The following COL5A1 variants were observed in gnomAD, a reference collection of about 807,000 sequenced individuals.
COL5A1 encodes the protein collagen type V alpha 1 chain.
Under a neutral mutation model 263.7 loss-of-function variants are expected in COL5A1, and 16 were observed. That is an observed-to-expected ratio of 0.06 (90% confidence interval 0.04 to 0.09). The LOEUF is 0.09. Among genes scored for constraint, COL5A1 ranks in the 10% least tolerant of loss-of-function variants. The probability of loss-of-function intolerance (pLI) is 1.00; values close to 1 mark genes in which losing one functional copy is unlikely to be tolerated. For synonymous variants in COL5A1, 1,012 were observed against 1,004.5 expected (o/e 1.01, Z -0.14); for missense variants, 2,036 against 2,540.5 (o/e 0.80, Z 4.27).
intron 4 of COL5A1, among the ~76,000 whole-genome samples, chr9:134,724,467 G>A (rs1021960896): frequency 6.6e-6 from 1 of 152,180 alleles, no homozygotes; most frequent in Admixed American, 6.5e-5. Flanking sequence ...GTGTGCCTGC[G>A]GGCTGGGATT....
intron 24 of COL5A1, 72 bp from the exon 25 acceptor site, chr9:134,768,338 C>A: frequency 1.5e-6 from 2 of 1,332,272 alleles, no homozygotes; most frequent in Non-Finnish European, 2.2e-6. Context: ...GAAAAGTAAC[C>A]TTGGTGGCCG....
chr9:134,812,612 C>G lies in COL5A1; in HGVS notation c.3752C>G (p.Pro1251Arg), dbSNP rs755735075. 1 of 1,605,874 alleles carries G rather than the reference C, an allele frequency of 6.2e-7. No individual in the cohort carries two copies. The highest frequency in any genetic ancestry group is 1.3e-5 in the African/African-American group (1 of 74,820). ...ETGDVGQMGP[P>R]GPPGPRGPSG... ...GTCTCTCCCTTTTCCTAGGGCCCCC[C>G]GGGTCCCCCTGGCCCCCGAGGACCC... Residue 1251 changes from proline (P) to arginine (R), a missense_variant, in exon 48 of 66, where the codon CCG (proline) becomes CGG (arginine). Around this residue, in one of 3 missense-constraint regions of COL5A1, gnomAD observed 1,078 missense variants for 1,521.4 expected, o/e 0.71. Coordinates refer to ENST00000371817, the MANE Select transcript of COL5A1 (RefSeq NM_000093.5).
intron 46 of COL5A1, among the ~76,000 whole-genome samples, chr9:134,811,934 G>A (rs1456530595): frequency 6.6e-6 from 1 of 152,230 alleles, no homozygotes; most frequent in African/African-American, 2.4e-5. Flanking sequence ...CCTTTTAAAT[G>A]TGTGTATTCT....
intron 25 of COL5A1, among the ~76,000 whole-genome samples, chr9:134,772,304 T>C (rs1836889388): frequency 6.6e-6 from 1 of 152,232 alleles, no homozygotes. Context: ...CAATTGCTAG[T>C]CCGGGAAGCA....
At chr9:134,725,092 GTC>G (rs902423288) in intron 4 of COL5A1, among the ~76,000 whole-genome samples, 4 of 152,194 alleles carry the variant, frequency 2.6e-5, no homozygotes, top group African/African-American at 4.8e-5. Flanking sequence ...CTGCGGCACC[GTC>G]TCTGGTGGCG....
chr9:134,692,569 C>A (rs1262673157), intron 2 of COL5A1, among the ~76,000 whole-genome samples: 1 of 152,146 alleles, frequency 6.6e-6, no homozygotes, highest in Non-Finnish European at 1.5e-5. Flanking sequence ...CACATGGACT[C>A]TGGGTGTGTG....
At chr9:134,702,417 C>T (rs1284171246) in intron 4 of COL5A1, among the ~76,000 whole-genome samples, 1 of 152,212 alleles carries the variant, frequency 6.6e-6, no homozygotes, top group Non-Finnish European at 1.5e-5. Flanking sequence ...TGTGTCTACA[C>T]ATCGGTTCTG....
intron 32 of COL5A1, among the ~76,000 whole-genome samples, chr9:134,793,392 G>GC (rs58115122): frequency 6.7e-6 from 1 of 150,156 alleles, no homozygotes; most frequent in African/African-American, 2.5e-5. Flanking sequence ...GCTGGGGGGG[G>GC]CATTCTGTTC....
chr9:134,729,033 C>T (rs1304120886), intron 6 of COL5A1, among the ~76,000 whole-genome samples: 2 of 152,200 alleles, frequency 1.3e-5, no homozygotes, highest in East Asian at 1.9e-4. Context: ...GCCAAGTATA[C>T]AGGGGAGCAT....
At chr9:134,658,470 C>T (rs954600626) in intron 1 of COL5A1, among the ~76,000 whole-genome samples, 5 of 152,340 alleles carry the variant, frequency 3.3e-5, no homozygotes, top group Non-Finnish European at 5.9e-5. Flanking sequence ...CACGTCCCCC[C>T]GCCCCTGCTG....
intron 65 of COL5A1, among the ~76,000 whole-genome samples, chr9:134,836,270 C>G (rs1839852703): frequency 6.6e-6 from 1 of 152,154 alleles, no homozygotes; most frequent in Non-Finnish European, 1.5e-5. Flanking sequence ...GGTGAAGGGG[C>G]CAGTGTGTGG....
At position 134,690,266 on chromosome 9, in the gene COL5A1, T is replaced by C. The variant is rs183029504; in HGVS notation, c.110-646T>C. ...AGGGCAATGGAAACTGCACACCCGC[T>C]GTAAACGGTCATGGGAAGGCGACAG... On this transcript the variant is annotated intron_variant, in intron 1 of 65. Transcript: ENST00000371817. 1.8e-3 allele frequency among the ~76,000 whole-genome samples: 271 copies of C among 152,192 alleles called. 3 individuals are homozygous for C. Among genetic ancestry groups the C allele is most frequent in the African/African-American group, 6.4e-3 (266 of 41,528 alleles).
chr9:134,809,271 C>T lies in COL5A1; in HGVS notation c.3455C>T (p.Pro1152Leu), dbSNP rs1295605746. ...LPGPAGPVGP[P>L]GEDGDKGEIG... ...GGTCCAGCTGGCCCTGTGGGTCCCC[C>T]TGGAGAAGACGGAGATAAGGTAAGG... The change falls in exon 43 of 66, where the codon CCT becomes CTT. Residue 1152 changes from proline to leucine, a missense_variant. This residue lies in a region of COL5A1 where 1,078 missense variants were observed against 1,521.4 expected (regional missense o/e 0.71). Transcript: ENST00000371817. 1 of 1,608,876 alleles carries T rather than the reference C, an allele frequency of 6.2e-7. No homozygotes were observed. Among genetic ancestry groups the T allele is most frequent in the African/African-American group, 1.3e-5 (1 of 74,964 alleles).
chr9:134,728,555 T>C, intron 5 of COL5A1, 115 bp from the exon 6 acceptor site: 1 of 1,491,816 alleles, frequency 6.7e-7, no homozygotes, highest in Non-Finnish European at 9.3e-7. Context: ...GGTTCACGCC[T>C]GGGGCTGGAC....
chr9:134,775,370 C>T (rs1837015355), intron 27 of COL5A1, among the ~76,000 whole-genome samples: 1 of 152,282 alleles, frequency 6.6e-6, no homozygotes, highest in African/African-American at 2.4e-5. Flanking sequence ...GAAACAGAGT[C>T]TGTCTCCACC....
intron 36 of COL5A1, among the ~76,000 whole-genome samples, 183 bp from the exon 37 acceptor site, chr9:134,798,225 G>A (rs1035953444): frequency 2.6e-5 from 4 of 152,242 alleles, no homozygotes; most frequent in Admixed American, 2.6e-4. Flanking sequence ...AGGACAGGCA[G>A]GAGCCAAGGA....
At position 134,738,821 on chromosome 9, in the gene COL5A1, CTG is replaced by C. The variant is rs1033133175; in HGVS notation, c.1494+17_1494+18del. 1.2e-6 allele frequency: 2 copies of C among 1,610,356 alleles called. No individual in the cohort carries two copies. Among genetic ancestry groups the C allele is most frequent in the African/African-American group, 2.7e-5 (2 of 74,970 alleles). ...CCCTGGAGAAAGGGTAAGAGGTTGA[CTG>C]TGTTTCCTGAGATCACACAAGGTGT... On this transcript the variant is annotated intron_variant, in intron 11 of 65. Transcript: ENST00000371817.
rs76855839 is a variant in COL5A1 at position 134,795,337 on chromosome 9, C to T, written c.2799+22C>T. The T allele has an allele frequency of 0.04, 63,734 of 1,608,948 alleles. 1,439 individuals carry two copies. Among genetic ancestry groups the T allele is most frequent in the South Asian group, 0.078 (7,061 of 90,904 alleles). On this transcript the variant is annotated intron_variant, in intron 34 of 65. Transcript: ENST00000371817. ...CAAGGTATGTTTTTGGCCTCCTGGGCGGTGGGCGGCGTGAACCCAAGTTGC... is the reference window on the plus strand; with the variant it reads ...CAAGGTATGTTTTTGGCCTCCTGGGTGGTGGGCGGCGTGAACCCAAGTTGC...
intron 11 of COL5A1, among the ~76,000 whole-genome samples, chr9:134,748,070 CA>C (rs1433347109): frequency 6.6e-6 from 1 of 151,668 alleles, no homozygotes; most frequent in Non-Finnish European, 1.5e-5. Context: ...CACATGCACA[CA>C]CCCACAAACA....
Sources: gnomAD v4.1 joint callset for allele counts (sites outside exome capture counted in the v4.1 genomes callset) on GRCh38, gnomAD v4.1.1 for gene constraint, gnomAD v4.1.1 regional missense constraint, MANE v1.5 for transcripts, NCBI Gene and HGNC (gene_info 2026-07-23, HGNC 2026-07-21) for gene names.